PARN: variants seen among roughly 807,000 people sequenced by gnomAD.
PARN encodes poly(A)-specific ribonuclease PARN.
A neutral mutation model predicts 102.8 loss-of-function variants in PARN; 71 were observed. That is an observed-to-expected ratio of 0.69 (90% CI 0.57 to 0.84). The LOEUF (loss-of-function observed/expected upper bound fraction) is 0.84, where lower values mean the gene tolerates loss of function less well. Among genes scored for constraint, PARN ranks in the 40% least tolerant of loss-of-function variants. The pLI is 0.00. For missense variants in PARN, 782 were observed against 760.9 expected (o/e 1.03, Z -0.33); for synonymous variants, 261 against 252.9 (o/e 1.03, Z -0.30).
intron 13 of PARN, among the ~76,000 whole-genome samples, chr16:14,588,715 T>TA (rs141773154): frequency 2.0e-5 from 3 of 151,726 alleles, no homozygotes; most frequent in South Asian, 2.1e-4. Context: ...CCATCTCCAC[T>TA]AAAAAAAATT....
chr16:14,604,275 T>A, intron 10 of PARN, 49 bp from the exon 11 acceptor site: 2 of 1,232,128 alleles, frequency 1.6e-6, no homozygotes, highest in South Asian at 2.7e-5. Flanking sequence ...TTTCTTTTTT[T>A]TTGAGACAGA....
At chr16:14,596,619 T>G (rs1325421956) in intron 12 of PARN, among the ~76,000 whole-genome samples, 3 of 151,812 alleles carry the variant, frequency 2.0e-5, no homozygotes, top group African/African-American at 7.3e-5. Flanking sequence ...ACTGCATGCC[T>G]GTAGTCCCAG....
rs550046053 is a variant in PARN at position 14,550,769 on chromosome 16, C to T, written c.1480+1252G>A. Among the ~76,000 whole-genome samples, 7 of 152,254 alleles carry T rather than the reference C, an allele frequency of 4.6e-5. No individual in the cohort carries two copies. In the South Asian group the frequency reaches 1.5e-3, roughly 32 times the overall value. Reference sequence around the variant, plus strand: ...AACACATCACTTAAAAATTTCACATCTTTTACATTATCAAAGCAACATGGT... The same window carrying T: ...AACACATCACTTAAAAATTTCACATTTTTTACATTATCAAAGCAACATGGT... On this transcript the variant is annotated intron_variant, in intron 21 of 23. Coordinates refer to ENST00000437198, the MANE Select transcript of PARN (RefSeq NM_002582.4).
intron 22 of PARN, among the ~76,000 whole-genome samples, chr16:14,451,960 G>A (rs140208979): frequency 1.4e-3 from 208 of 149,344 alleles, no homozygotes; most frequent in Middle Eastern, 0.014. Flanking sequence ...GCTGAGGTGG[G>A]AGGATTGCTT....
chr16:14,481,214 A>G (rs532231302), intron 22 of PARN, among the ~76,000 whole-genome samples: 1 of 152,340 alleles, frequency 6.6e-6, no homozygotes, highest in African/African-American at 2.4e-5. Context: ...TAATAGCTCC[A>G]AACTAGAAAC....
intron 21 of PARN, among the ~76,000 whole-genome samples, chr16:14,491,934 G>A (rs1964079261): frequency 2.0e-5 from 3 of 152,208 alleles, no homozygotes; most frequent in Admixed American, 1.3e-4. Flanking sequence ...TTGAAGCCTG[G>A]TATGTGAAAA....
At chr16:14,601,612 T>A (rs949748760) in intron 11 of PARN, among the ~76,000 whole-genome samples, 2 of 152,146 alleles carry the variant, frequency 1.3e-5, no homozygotes, top group Admixed American at 1.3e-4. Context: ...GTTATGTGTA[T>A]TTTACCACAA....
chr16:14,505,940 T>C (rs2151631211), intron 21 of PARN, among the ~76,000 whole-genome samples: 1 of 152,314 alleles, frequency 6.6e-6, no homozygotes, highest in African/African-American at 2.4e-5. Context: ...TTTCACAGTC[T>C]CAAAGTATTA....
chr16:14,475,981 T>C (rs2151589592), intron 22 of PARN, among the ~76,000 whole-genome samples: 1 of 151,970 alleles, frequency 6.6e-6, no homozygotes, highest in South Asian at 2.1e-4. Context: ...GGGAAGGGAG[T>C]AATTGGAAAT....
chr16:14,489,423 G>A lies in PARN; in HGVS notation c.1481-6596C>T, dbSNP rs541130975. On this transcript the variant is annotated intron_variant, in intron 21 of 23. Coordinates refer to ENST00000437198, the MANE Select transcript of PARN (RefSeq NM_002582.4). Reference sequence around the variant, plus strand: ...TCGTGCCACTGCACTCCAGCCTGGCGACAGAGAGAGACTCAAAAAAAAAAA... The same window carrying A: ...TCGTGCCACTGCACTCCAGCCTGGCAACAGAGAGAGACTCAAAAAAAAAAA... Among the ~76,000 whole-genome samples the A allele has an allele frequency of 1.5e-4, 19 of 122,602 alleles. No homozygotes were observed. In the South Asian group the frequency reaches 4.3e-3, roughly 28 times the overall value. The allele number at this position is 122,602 out of a possible 152,430, so 80.4% of individuals were successfully genotyped here. A position where few individuals can be genotyped will look rare whatever the true frequency, so the allele number is the denominator to read the frequency against.
intron 22 of PARN, among the ~76,000 whole-genome samples, chr16:14,470,452 T>G (rs960265177): frequency 0.011 from 1,070 of 96,848 alleles, 14 homozygotes; most frequent in African/African-American, 0.033. Context: ...TTATTATTAT[T>G]ATTATTATTA....
At chr16:14,601,852 G>A (rs1970886627) in intron 11 of PARN, 1 of 150,952 alleles carries the variant, frequency 6.6e-6, no homozygotes, top group Non-Finnish European at 1.5e-5. Context: ...GAACCCGGGA[G>A]GCGGAGGTTG....
At position 14,530,169 on chromosome 16, in the gene PARN, C is replaced by T. The variant is rs183877568; in HGVS notation, c.1480+21852G>A. Reference sequence around the variant, plus strand: ...GAGGACTGTGCTTTAATCACGACATCCTTCTCTTGGTGAGCAGCACAGAAG... The same window carrying T: ...GAGGACTGTGCTTTAATCACGACATTCTTCTCTTGGTGAGCAGCACAGAAG... On this transcript the variant is annotated intron_variant, in intron 21 of 23. Coordinates refer to ENST00000437198, the MANE Select transcript of PARN (RefSeq NM_002582.4). 5.3e-3 allele frequency among the ~76,000 whole-genome samples: 802 copies of T among 152,290 alleles called. 8 individuals carry two copies. The highest frequency in any genetic ancestry group is 6.8e-3 in the Middle Eastern group (2 of 294).
intron 18 of PARN, among the ~76,000 whole-genome samples, chr16:14,567,838 G>A (rs764471287): frequency 5.9e-5 from 9 of 152,168 alleles, no homozygotes; most frequent in Non-Finnish European, 1.2e-4. Context: ...ACAAATTAGT[G>A]CAAATAACAC....
intron 22 of PARN, among the ~76,000 whole-genome samples, chr16:14,469,479 A>G (rs1400999996): frequency 6.6e-6 from 1 of 152,240 alleles, no homozygotes; most frequent in South Asian, 2.1e-4. Flanking sequence ...GCTGAATGAA[A>G]TGAAAAATCT....
intron 22 of PARN, among the ~76,000 whole-genome samples, chr16:14,477,394 T>C (rs1458583585): frequency 1.3e-5 from 2 of 150,034 alleles, no homozygotes. Context: ...TGAGCCAAGA[T>C]TGCACCACTG....
At chr16:14,562,820 A>G (rs1968158067) in intron 18 of PARN, among the ~76,000 whole-genome samples, 1 of 152,184 alleles carries the variant, frequency 6.6e-6, no homozygotes, top group Admixed American at 6.5e-5. Flanking sequence ...AGACACCTCT[A>G]ACATTAGCAA....
At chr16:14,560,525 T>C (rs1453865459) in intron 18 of PARN, among the ~76,000 whole-genome samples, 2 of 152,244 alleles carry the variant, frequency 1.3e-5, no homozygotes, top group African/African-American at 4.8e-5. Context: ...AAAAGAATTC[T>C]ATCCTAAGAA....
rs569075581 is a variant in PARN at position 14,604,442 on chromosome 16, G to C, written c.703-216C>G. Among the ~76,000 whole-genome samples, 890 of 151,940 alleles carry C rather than the reference G, an allele frequency of 5.9e-3. 7 individuals carry two copies. The highest frequency in any genetic ancestry group is 7.3e-3 in the Non-Finnish European group (499 of 67,952). ...CACCCGGCTAATTTTTGTATTTTTA[G>C]TAGAGACGGAGTTTCTCCATGTTGG... is the stretch of plus-strand genomic sequence containing the variant. On this transcript the variant is annotated intron_variant, in intron 10 of 23. Transcript: ENST00000437198.
Sources: gnomAD v4.1 joint callset for allele counts (sites outside exome capture counted in the v4.1 genomes callset) on GRCh38, gnomAD v4.1.1 for gene constraint, MANE v1.5 for transcripts, NCBI Gene and HGNC (gene_info 2026-07-23, HGNC 2026-07-21) for gene names.